UTP4: variants seen among roughly 807,000 people sequenced by gnomAD.
The protein encoded by UTP4 is U3 small nucleolar RNA-associated protein 4 homolog.
A neutral mutation model predicts 82.4 loss-of-function variants in UTP4; 45 were observed. The observed-to-expected ratio is 0.55, with a 90% CI of 0.43 to 0.70. The LOEUF (loss-of-function observed/expected upper bound fraction) is 0.70. Ranked by LOEUF, UTP4 falls within the 30% of genes least tolerant of loss-of-function variation. The probability of loss-of-function intolerance (pLI) is 0.00; values close to 1 mark genes in which losing one functional copy is unlikely to be tolerated. For missense variants in UTP4, 819 were observed against 858.3 expected (o/e 0.95, Z 0.57); for synonymous variants, 348 against 300.3 (o/e 1.16, Z -1.64).
intron 14 of UTP4, 145 bp from the exon 15 acceptor site, chr16:69,165,194 CAA>C (rs111880969): frequency 4.4e-3 from 2,495 of 570,586 alleles, no homozygotes; most frequent in South Asian, 8.0e-3. Context: ...GACTCCATCT[CAA>C]AAAAAAAAAA....
intron 6 of UTP4, among the ~76,000 whole-genome samples, chr16:69,150,140 A>G (rs1208458545): frequency 1.3e-5 from 2 of 152,226 alleles, no homozygotes; most frequent in African/African-American, 2.4e-5. Context: ...TTTAGTGATA[A>G]TAACTTGATC....
chr16:69,166,931 T>C, intron 15 of UTP4, 144 bp from the exon 16 acceptor site: 2 of 655,870 alleles, frequency 3.0e-6, no homozygotes, highest in Admixed American at 2.5e-5. Flanking sequence ...TACAGCTGTT[T>C]TCCCGAATTA....
intron 6 of UTP4, among the ~76,000 whole-genome samples, chr16:69,146,632 G>A (rs183387502): frequency 1.8e-4 from 28 of 152,206 alleles, no homozygotes; most frequent in Admixed American, 1.7e-3. Flanking sequence ...AGACCAAGGC[G>A]GGTGGATCAG....
chr16:69,148,014 C>T (rs1006802002), intron 6 of UTP4, among the ~76,000 whole-genome samples: 3 of 152,016 alleles, frequency 2.0e-5, no homozygotes, highest in South Asian at 4.1e-4. Flanking sequence ...AGTGCAGTGG[C>T]GTGATCTCCG....
intron 15 of UTP4, chr16:69,166,012 G>A: frequency 4.9e-6 from 1 of 204,134 alleles, no homozygotes; most frequent in Non-Finnish European, 1.0e-5. Flanking sequence ...TTGAGGAACT[G>A]GTCTTAACAT....
chr16:69,157,327 C>T, intron 12 of UTP4, 87 bp downstream of exon 12: 1 of 1,306,070 alleles, frequency 7.7e-7, no homozygotes. Context: ...CGGGGGTTCC[C>T]TCATGTTCCT....
chr16:69,164,642 A>G (rs1281661708), intron 14 of UTP4, among the ~76,000 whole-genome samples: 2 of 148,818 alleles, frequency 1.3e-5, no homozygotes, highest in Admixed American at 6.7e-5. Flanking sequence ...ATATAGATAT[A>G]TATGCTTCTA....
intron 14 of UTP4, among the ~76,000 whole-genome samples, chr16:69,164,587 TATATATATA>T (rs1963649405): frequency 9.2e-5 from 1 of 10,894 alleles, no homozygotes; most frequent in Non-Finnish European, 2.8e-4. Context: ...AATCATTCTT[TATATATATA>T]TATATATATA....
chr16:69,155,749 G>A (rs553819456), intron 10 of UTP4, 122 bp from the exon 11 acceptor site: 373 of 1,031,694 alleles, frequency 3.6e-4, no homozygotes, highest in Non-Finnish European at 4.9e-4. Flanking sequence ...CACGAGGATC[G>A]AGATTATGTG....
chr16:69,165,320 C>T (rs760541285), intron 14 of UTP4, 21 bp from the exon 15 acceptor site: 1 of 1,612,148 alleles, frequency 6.2e-7, no homozygotes, highest in South Asian at 1.1e-5. Context: ...CTGCATTTCT[C>T]TATGTCATGT....
intron 4 of UTP4, 150 bp downstream of exon 4, chr16:69,138,035 C>T (rs1962856111): frequency 1.5e-6 from 1 of 658,908 alleles, no homozygotes; most frequent in Non-Finnish European, 2.7e-6. Context: ...CATCCCCAGC[C>T]CAGGCTTTAC....
At position 69,136,844 on chromosome 16, in the gene UTP4, C is replaced by G; in HGVS notation, c.308C>G (p.Pro103Arg). 1 of 1,614,106 alleles carries G rather than the reference C, an allele frequency of 6.2e-7. No homozygotes were observed. Among genetic ancestry groups the G allele is most frequent in the South Asian group, 1.1e-5 (1 of 91,080 alleles). ...TATGCTATGGATGCCTTTGGAGGAC[C>G]TATTTGGAGCATGGCTGCCAGCCCC... ...IKYAMDAFGG[P>R]IWSMAASPSG... The change falls in exon 3 of 17, where the codon CCT becomes CGT. Residue 103 changes from proline (P) to arginine (R), a missense_variant. By Grantham distance (103) the Pro-to-Arg change is moderately radical (BLOSUM62 -2). Transcript: ENST00000314423.
At chr16:69,160,671 A>G (rs1049424849) in intron 13 of UTP4, among the ~76,000 whole-genome samples, 3 of 146,288 alleles carry the variant, frequency 2.1e-5, no homozygotes, top group Non-Finnish European at 4.5e-5. Context: ...ATCTCGGCTC[A>G]CTGCAACCTC....
chr16:69,142,318 A>C (rs975706097), intron 5 of UTP4: 1 of 152,866 alleles, frequency 6.5e-6, no homozygotes, highest in Non-Finnish European at 1.5e-5. Flanking sequence ...TGGCCTGGCT[A>C]TCAGCATTCT....
chr16:69,147,600 G>C (rs1040280415), intron 6 of UTP4, among the ~76,000 whole-genome samples: 1 of 152,160 alleles, frequency 6.6e-6, no homozygotes, highest in Non-Finnish European at 1.5e-5. Flanking sequence ...CTTGGAACCA[G>C]AAGTGTTTCA....
chr16:69,153,733 A>T (rs1567376327), intron 9 of UTP4, 53 bp downstream of exon 9: 2 of 1,227,720 alleles, frequency 1.6e-6, no homozygotes, highest in Middle Eastern at 3.8e-4. Flanking sequence ...AGAAGCCAGA[A>T]ATCAGAATTG....
At chr16:69,152,314 C>G (rs941511202) in intron 8 of UTP4, among the ~76,000 whole-genome samples, 1 of 151,910 alleles carries the variant, frequency 6.6e-6, no homozygotes, top group Admixed American at 6.6e-5. Context: ...GAGACAAGGT[C>G]TTGCTCCGTC....
intron 10 of UTP4, among the ~76,000 whole-genome samples, chr16:69,154,890 G>A (rs13339048): frequency 0.12 from 17,717 of 151,850 alleles, 1,273 homozygotes; most frequent in Middle Eastern, 0.24. Context: ...CACCACGCCC[G>A]GCTAATTTTT....
chr16:69,133,632 G>A lies in UTP4; in HGVS notation c.159+14G>A. On this transcript the variant is annotated intron_variant, in intron 2 of 16. Transcript: ENST00000314423. Reference sequence around the variant, plus strand: ...TTTCAGGAGAAAGTAAGTCATTTGGGAGTCTGATATGGTGTTTTGATGTTA... The same window carrying A: ...TTTCAGGAGAAAGTAAGTCATTTGGAAGTCTGATATGGTGTTTTGATGTTA... The A allele has an allele frequency of 1.2e-6, 2 of 1,613,324 alleles. No homozygotes were observed. Among genetic ancestry groups the A allele is most frequent in the South Asian group, 1.1e-5 (1 of 91,070 alleles).
Sources: gnomAD v4.1 joint callset for allele counts (sites outside exome capture counted in the v4.1 genomes callset) on GRCh38, gnomAD v4.1.1 for gene constraint, MANE v1.5 for transcripts, NCBI Gene and HGNC (gene_info 2026-07-23, HGNC 2026-07-21) for gene names.